GRM1: variants seen among roughly 807,000 people sequenced by gnomAD.
GRM1 encodes glutamate metabotropic receptor 1.
In GRM1, 33 loss-of-function variants were observed where a neutral mutation model predicts 90.9. The ratio of observed to expected loss-of-function variants is 0.36; its 90% CI spans 0.28 to 0.49. The LOEUF is 0.49. Ranked by LOEUF, GRM1 falls within the 20% of genes least tolerant of loss-of-function variation. GRM1 has a pLI of 0.99. For missense variants in GRM1, 1,190 were observed against 1,534.3 expected (o/e 0.78, Z 3.75); for synonymous variants, 700 against 613.2 (o/e 1.14, Z -2.09).
intron 1 of GRM1, among the ~76,000 whole-genome samples, chr6:146,142,266 C>T (rs1371401734): frequency 1.3e-5 from 2 of 152,204 alleles, no homozygotes; most frequent in Non-Finnish European, 1.5e-5. Flanking sequence ...TAGAGTCTTT[C>T]TTTCTGTGCT....
chr6:146,422,249 T>C (rs1378367598), intron 7 of GRM1, among the ~76,000 whole-genome samples: 1 of 152,198 alleles, frequency 6.6e-6, no homozygotes, highest in Non-Finnish European at 1.5e-5. Flanking sequence ...AAAGTCACTG[T>C]TACCCAAATA....
In GRM1 at chr6:146,304,646, G is replaced by A; in HGVS notation, c.986G>A (p.Gly329Asp). Residue 329 changes from glycine to aspartate, a missense_variant, in exon 3 of 8, where the codon GGT (glycine) becomes GAT (aspartate). Around this residue, in one of 10 missense-constraint regions of GRM1, gnomAD observed 414 missense variants for 598.4 expected, o/e 0.69. Transcript: ENST00000282753. ...GCAGACAGAGATGAAGTCATTGAAG[G>A]TTATGAGGTGGAAGCCAACGGGGGA... ...GWADRDEVIEGYEVEANGGIT... is the reference protein window; with the variant it reads ...GWADRDEVIEDYEVEANGGIT... 6.2e-7 allele frequency: 1 copy of A among 1,613,764 alleles called. No homozygotes were observed. Among genetic ancestry groups the A allele is most frequent in the Non-Finnish European group, 8.5e-7 (1 of 1,179,776 alleles).
chr6:146,343,212 C>T (rs1239557595), intron 3 of GRM1, among the ~76,000 whole-genome samples: 1 of 152,076 alleles, frequency 6.6e-6, no homozygotes, highest in Non-Finnish European at 1.5e-5. Context: ...AAAGAAAAAG[C>T]GACATTCTCA....
intron 1 of GRM1, among the ~76,000 whole-genome samples, chr6:146,110,400 G>C (rs1375475107): frequency 6.6e-6 from 1 of 152,194 alleles, no homozygotes; most frequent in Non-Finnish European, 1.5e-5. Flanking sequence ...CGCCATGTGA[G>C]ATGTGCCTTT....
At chr6:146,214,929 G>A (rs763526594) in intron 2 of GRM1, among the ~76,000 whole-genome samples, 2 of 152,154 alleles carry the variant, frequency 1.3e-5, no homozygotes, top group African/African-American at 2.4e-5. Context: ...GGGCTTTAAC[G>A]TAGAGTCTGT....
intron 2 of GRM1, among the ~76,000 whole-genome samples, chr6:146,287,829 A>C (rs971950933): frequency 6.6e-6 from 1 of 152,206 alleles, no homozygotes; most frequent in Non-Finnish European, 1.5e-5. Context: ...GGAAATGATG[A>C]GGGGGAGATT....
intron 5 of GRM1, among the ~76,000 whole-genome samples, chr6:146,385,261 C>A (rs140815899): frequency 6.6e-6 from 1 of 151,852 alleles, no homozygotes; most frequent in African/African-American, 2.4e-5. Flanking sequence ...TTCAGAAGAA[C>A]GAAATAACAA....
intron 7 of GRM1, among the ~76,000 whole-genome samples, chr6:146,408,901 G>A (rs140394455): frequency 6.6e-6 from 1 of 152,130 alleles, no homozygotes; most frequent in Non-Finnish European, 1.5e-5. Context: ...GTGTTGTAAA[G>A]CTAGTCCAGG....
intron 7 of GRM1, among the ~76,000 whole-genome samples, chr6:146,427,619 C>T (rs1215827734): frequency 1.3e-5 from 2 of 152,198 alleles, no homozygotes; most frequent in Non-Finnish European, 2.9e-5. Context: ...GTCTGCCTTT[C>T]TGCTATTCCT....
chr6:146,097,770 G>A (rs1043301408), intron 1 of GRM1, among the ~76,000 whole-genome samples: 2 of 152,146 alleles, frequency 1.3e-5, no homozygotes, highest in Admixed American at 6.6e-5. Flanking sequence ...TTCATGCATC[G>A]TTGAGGGCCA....
chr6:146,241,052 G>T (rs1780840864), intron 2 of GRM1, among the ~76,000 whole-genome samples: 1 of 152,060 alleles, frequency 6.6e-6, no homozygotes, highest in South Asian at 2.1e-4. Flanking sequence ...CAAAATCTAT[G>T]CCTGCCTCAG....
intron 4 of GRM1, among the ~76,000 whole-genome samples, chr6:146,353,421 C>T (rs1354146402): frequency 6.6e-6 from 1 of 152,164 alleles, no homozygotes; most frequent in Non-Finnish European, 1.5e-5. Context: ...TCAAGTGGAA[C>T]ATCAAATCAT....
At chr6:146,039,214 A>G (rs1252914980) in intron 1 of GRM1, among the ~76,000 whole-genome samples, 1 of 151,980 alleles carries the variant, frequency 6.6e-6, no homozygotes. Context: ...CAACAGAGAG[A>G]ACTGTGATTA....
chr6:146,346,459 A>C (rs1231053702), intron 3 of GRM1, among the ~76,000 whole-genome samples: 12 of 152,348 alleles, frequency 7.9e-5, no homozygotes, highest in Admixed American at 2.0e-4. Context: ...TGGATTTGTT[A>C]TATTTTTCTA....
intron 1 of GRM1, among the ~76,000 whole-genome samples, chr6:146,043,796 T>TATATATATATATATATATATAGATATAG (rs1554260527): frequency 7.2e-6 from 1 of 137,940 alleles, no homozygotes; most frequent in African/African-American, 2.6e-5. Flanking sequence ...TATATATATA[T>TATATATATATATATATATATAGATATAG]ATATATATAT....
At chr6:146,201,440 G>A (rs1273569470) in intron 2 of GRM1, among the ~76,000 whole-genome samples, 5 of 152,176 alleles carry the variant, frequency 3.3e-5, no homozygotes, top group African/African-American at 1.2e-4. Flanking sequence ...AGAAGTCCAG[G>A]ATTAAAGTGC....
At chr6:146,190,004 G>T (rs1778882749) in intron 2 of GRM1, among the ~76,000 whole-genome samples, 1 of 152,208 alleles carries the variant, frequency 6.6e-6, no homozygotes, top group South Asian at 2.1e-4. Flanking sequence ...AGGAATGTTA[G>T]ATTAAGTTCG....
At chr6:146,314,351 C>T (rs917692068) in intron 3 of GRM1, among the ~76,000 whole-genome samples, 1 of 151,920 alleles carries the variant, frequency 6.6e-6, no homozygotes, top group Non-Finnish European at 1.5e-5. Flanking sequence ...GCTGGAACAA[C>T]ACTTAACTCC....
chr6:146,288,376 G>A (rs1300534874), intron 2 of GRM1, among the ~76,000 whole-genome samples: 3 of 152,162 alleles, frequency 2.0e-5, no homozygotes, highest in Non-Finnish European at 1.5e-5. Context: ...ACTGTGGAAA[G>A]CAAAACTAAG....
Sources: allele counts gnomAD v4.1 joint callset (sites outside exome capture counted in the v4.1 genomes callset), GRCh38; gene constraint gnomAD v4.1.1; regional missense constraint gnomAD v4.1.1; transcripts MANE v1.5; gene names NCBI Gene and HGNC (gene_info 2026-07-23, HGNC 2026-07-21).